TNIP1: variants seen among roughly 807,000 people sequenced by gnomAD.
The protein encoded by TNIP1 is TNFAIP3 interacting protein 1.
Under a neutral mutation model 86.6 loss-of-function variants are expected in TNIP1, and 22 were observed. That is an observed-to-expected ratio of 0.25 (90% CI 0.18 to 0.36). The LOEUF (loss-of-function observed/expected upper bound fraction) is 0.36, where lower values mean the gene tolerates loss of function less well. Among genes scored for constraint, TNIP1 ranks in the 10% least tolerant of loss-of-function variants. TNIP1 has a pLI of 1.00. For synonymous variants in TNIP1, 294 were observed against 313.0 expected (o/e 0.94, Z 0.64); for missense variants, 709 against 820.6 (o/e 0.86, Z 1.66).
In TNIP1 at chr5:151,039,644, TGCTA is replaced by T. The variant is rs1758163506; in HGVS notation, c.1135-423_1135-420del. Among the ~76,000 whole-genome samples the T allele has an allele frequency of 3.9e-5, 6 of 152,140 alleles. No individual in the cohort carries two copies. In the South Asian group the frequency reaches 1.2e-3, roughly 32 times the overall value. On this transcript the variant is annotated intron_variant, in intron 11 of 17. Transcript: ENST00000521591. The stretch of plus-strand genomic sequence containing the variant: ...ATGCGAAATTTTGTTGTGTGTAATC[TGCTA>T]GAAAGAAAAGCCATAGTTCTGACCA...
intron 11 of TNIP1, among the ~76,000 whole-genome samples, chr5:151,041,590 C>T (rs1477126635): frequency 2.0e-5 from 3 of 152,212 alleles, no homozygotes; most frequent in Non-Finnish European, 2.9e-5. Context: ...TGGTCTCAAA[C>T]TCCTGGCCTC....
upstream of TNIP1, among the ~76,000 whole-genome samples, chr5:151,081,712 A>G (rs1032544672): frequency 6.6e-6 from 1 of 152,170 alleles, no homozygotes; most frequent in Non-Finnish European, 1.5e-5. Flanking sequence ...TGAGTCACAA[A>G]AAGGTTAGAT....
At chr5:151,033,334 G>A (rs1757170441) in intron 16 of TNIP1, 1 of 351,968 alleles carries the variant, frequency 2.8e-6, no homozygotes, top group African/African-American at 2.1e-5. Context: ...GGGGCCTGGA[G>A]GGAGTCCTCC....
chr5:151,057,132 G>A (rs1760773648), intron 5 of TNIP1, among the ~76,000 whole-genome samples, 175 bp from the exon 6 acceptor site: 1 of 152,224 alleles, frequency 6.6e-6, no homozygotes. Context: ...GACTCACAGG[G>A]CAGAACCCAG....
At chr5:151,033,491 G>A (rs752951585) in intron 16 of TNIP1, 117 bp downstream of exon 16, 53 of 672,960 alleles carry the variant, frequency 7.9e-5, no homozygotes, top group Middle Eastern at 5.6e-4. Flanking sequence ...TGCCACCACG[G>A]TGCTGTTTAG....
chr5:151,031,216 C>A (rs1314033776), intron 17 of TNIP1, among the ~76,000 whole-genome samples: 1 of 152,218 alleles, frequency 6.6e-6, no homozygotes, highest in Non-Finnish European at 1.5e-5. Context: ...CAAACTGCAA[C>A]CCCTCCAAGG....
intron 1 of TNIP1, among the ~76,000 whole-genome samples, chr5:151,067,473 T>A (rs1762368405): frequency 6.6e-6 from 1 of 151,854 alleles, no homozygotes; most frequent in African/African-American, 2.4e-5. Flanking sequence ...CTGCTTGGAG[T>A]TCAAGAACAG....
chr5:151,063,889 G>T, intron 2 of TNIP1, 142 bp from the exon 3 acceptor site: 1 of 1,061,370 alleles, frequency 9.4e-7, no homozygotes, highest in South Asian at 1.6e-5. Flanking sequence ...TGCTCTGTGG[G>T]CCAAGTGGGA....
At chr5:151,068,457 T>C (rs1275896013) in intron 1 of TNIP1, among the ~76,000 whole-genome samples, 2 of 152,110 alleles carry the variant, frequency 1.3e-5, no homozygotes, top group East Asian at 1.9e-4. Flanking sequence ...AAACACTCAA[T>C]GGATGAGGGG....
At chr5:151,031,432 G>A (rs993282543) in intron 17 of TNIP1, among the ~76,000 whole-genome samples, 2 of 152,208 alleles carry the variant, frequency 1.3e-5, no homozygotes, top group East Asian at 1.9e-4. Context: ...TGTGCCCCAT[G>A]AGAGCTCTAC....
chr5:151,064,612 T>C (rs1233046146), intron 2 of TNIP1, among the ~76,000 whole-genome samples: 1 of 152,042 alleles, frequency 6.6e-6, no homozygotes, highest in Non-Finnish European at 1.5e-5. Flanking sequence ...TGCCTGGTCA[T>C]GCTGGCTCTC....
intron 8 of TNIP1, among the ~76,000 whole-genome samples, chr5:151,046,929 T>A (rs1044718760): frequency 1.3e-5 from 2 of 152,172 alleles, no homozygotes; most frequent in Non-Finnish European, 2.9e-5. Context: ...GTAGGAAGAA[T>A]GAGGAAAATA....
Position 151,035,727 on chromosome 5 carries a change from A to G in TNIP1, c.1396-20T>C, listed in dbSNP as rs748259572. On this transcript the variant is annotated intron_variant, in intron 13 of 17. Coordinates refer to ENST00000521591, the MANE Select transcript of TNIP1 (RefSeq NM_006058.5). ...CTTCACCTGGTGTGGAGGGAGGGTGAAGAGAGGGAGGGGGATGGTCCTGAG... is the reference window on the plus strand; with the variant it reads ...CTTCACCTGGTGTGGAGGGAGGGTGGAGAGAGGGAGGGGGATGGTCCTGAG... 2 of 1,613,436 alleles carry G rather than the reference A, an allele frequency of 1.2e-6. No individual in the cohort carries two copies. Among genetic ancestry groups the G allele is most frequent in the South Asian group, 2.2e-5 (2 of 91,082 alleles).
In TNIP1 at chr5:151,030,723, C is replaced by T. The variant is rs1290052995; in HGVS notation, c.1901G>A (p.Gly634Glu). 1 of 1,612,038 alleles carries T rather than the reference C, an allele frequency of 6.2e-7. No individual in the cohort carries two copies. The highest frequency in any genetic ancestry group is 1.3e-5 in the African/African-American group (1 of 74,708). Residue 634 changes from glycine (G) to glutamate (E), a missense_variant, in exon 18 of 18, where the codon GGG becomes GAG. By Grantham distance (98) the Gly-to-Glu change is moderately conservative (BLOSUM62 -2). Transcript: ENST00000521591. ...TGACACAATCTGGTCTCACTGAGGCCCCTCACGGTCATTTTTTGGAGACTC... is the reference window on the plus strand; with the variant it reads ...TGACACAATCTGGTCTCACTGAGGCTCCTCACGGTCATTTTTTGGAGACTC... ...EPESPKNDRE[G>E]PQ
Position 151,035,058 on chromosome 5 carries a change from A to C in TNIP1, c.1531T>G (p.Phe511Val). 1 of 1,613,858 alleles carries C rather than the reference A, an allele frequency of 6.2e-7. No homozygotes were observed. The highest frequency in any genetic ancestry group is 8.5e-7 in the Non-Finnish European group (1 of 1,179,914). The stretch of plus-strand genomic sequence containing the variant: ...TCTCTTGCCTTCTCCTCATCTTTGA[A>C]TGCTTTTAGCTGAGAGAAGAAGGGA... ...VTLSNAQLKA[F>V]KDEEKAREAL... Residue 511 changes from phenylalanine to valine, a missense_variant, in exon 15 of 18, where the codon TTC becomes GTC. Physicochemically the swap from Phe to Val is conservative, Grantham distance 50 (BLOSUM62 -1). Coordinates refer to ENST00000521591, the MANE Select transcript of TNIP1 (RefSeq NM_006058.5).
At chr5:151,084,400 G>C (rs150153507), upstream of TNIP1, among the ~76,000 whole-genome samples, 1 of 150,464 alleles carries the variant, frequency 6.6e-6, no homozygotes. Flanking sequence ...AGCCAAGATC[G>C]CGCCATTGCA....
At chr5:151,035,509 G>A in intron 14 of TNIP1, 73 bp downstream of exon 14, 8 of 1,608,522 alleles carry the variant, frequency 5.0e-6, no homozygotes, top group Non-Finnish European at 6.8e-6. Context: ...AGCCTCACCA[G>A]GGCCCTCCAA....
intron 9 of TNIP1, among the ~76,000 whole-genome samples, 175 bp downstream of exon 9, chr5:151,045,686 C>T (rs1383900636): frequency 6.6e-6 from 1 of 152,214 alleles, no homozygotes; most frequent in Non-Finnish European, 1.5e-5. Context: ...CAAGAGAGGA[C>T]AGTCCAGGGC....
At chr5:151,037,230 GCA>G in intron 12 of TNIP1, 1 of 207,638 alleles carries the variant, frequency 4.8e-6, no homozygotes, top group Non-Finnish European at 9.7e-6. Context: ...AAGTGGCAGA[GCA>G]CAGATTCAAG....
Sources: gnomAD v4.1 joint callset for allele counts (sites outside exome capture counted in the v4.1 genomes callset) on GRCh38, gnomAD v4.1.1 for gene constraint, MANE v1.5 for transcripts, NCBI Gene and HGNC (gene_info 2026-07-23, HGNC 2026-07-21) for gene names.